The following IQGAP2 variants were observed in gnomAD, a reference collection of about 807,000 sequenced individuals.
IQGAP2 encodes IQ motif containing GTPase activating protein 2, also known as ras GTPase-activating-like protein IQGAP2.
In IQGAP2, 173 loss-of-function variants were observed where a neutral mutation model predicts 201.3. That is an observed-to-expected ratio of 0.86 (90% CI 0.76 to 0.98). The LOEUF (loss-of-function observed/expected upper bound fraction) is 0.98. Among genes scored for constraint, IQGAP2 ranks in the 50% least tolerant of loss-of-function variants. The pLI, the probability that IQGAP2 is intolerant of heterozygous loss-of-function variation, is 0.00. For missense variants in IQGAP2, 1,687 were observed against 1,864.8 expected (o/e 0.90, Z 1.76); for synonymous variants, 675 against 673.9 (o/e 1.00, Z -0.03).
chr5:76,467,281 T>C (rs1392222006), intron 2 of IQGAP2, among the ~76,000 whole-genome samples: 1 of 152,146 alleles, frequency 6.6e-6, no homozygotes, highest in Non-Finnish European at 1.5e-5. Flanking sequence ...AGTAAAGCAC[T>C]TTTAAATTCT....
intron 1 of IQGAP2, among the ~76,000 whole-genome samples, chr5:76,407,048 G>A (rs533126327): frequency 6.6e-6 from 1 of 152,106 alleles, no homozygotes; most frequent in Admixed American, 6.5e-5. Flanking sequence ...GTGCAATCAT[G>A]GCTCACTGCA....
At chr5:76,465,970 C>A (rs1295261763) in intron 2 of IQGAP2, among the ~76,000 whole-genome samples, 1 of 151,936 alleles carries the variant, frequency 6.6e-6, no homozygotes, top group African/African-American at 2.4e-5. Flanking sequence ...TTTATAGATT[C>A]AATACAGTTT....
chr5:76,431,479 CT>C (rs1428725003), intron 1 of IQGAP2, among the ~76,000 whole-genome samples: 1 of 151,960 alleles, frequency 6.6e-6, no homozygotes, highest in African/African-American at 2.4e-5. Flanking sequence ...GGGCACTAGT[CT>C]GTTTGGCATG....
chr5:76,603,402 A>T (rs1202026700), intron 11 of IQGAP2, among the ~76,000 whole-genome samples: 3 of 152,202 alleles, frequency 2.0e-5, no homozygotes, highest in Admixed American at 2.0e-4. Flanking sequence ...GACCCTCCCT[A>T]ACTAAGCCTT....
At position 76,673,539 on chromosome 5, in the gene IQGAP2, G is replaced by C. The variant is rs1185795567; in HGVS notation, c.3159G>C (p.Arg1053Ser). The C allele has an allele frequency of 1.2e-6, 2 of 1,613,950 alleles. No homozygotes were observed. The highest frequency in any genetic ancestry group is 3.3e-5 in the Admixed American group (2 of 60,002). Residue 1053 changes from arginine to serine, a missense_variant, in exon 25 of 36, where the codon AGG (arginine) becomes AGC (serine). Coordinates refer to ENST00000274364, the MANE Select transcript of IQGAP2 (RefSeq NM_006633.5). ...AGGCTTCCATTGAGAACCTGAGAAG[G>C]GTCACCGACAAAGTCCTGAATTCTA... ...KLEASIENLRRVTDKVLNSII... is the reference protein window; with the variant it reads ...KLEASIENLRSVTDKVLNSII...
At chr5:76,451,498 C>A (rs1028591162) in intron 1 of IQGAP2, among the ~76,000 whole-genome samples, 2 of 152,184 alleles carry the variant, frequency 1.3e-5, no homozygotes, top group Non-Finnish European at 2.9e-5. Flanking sequence ...GTTGGGCCTT[C>A]TAATAAGATA....
chr5:76,688,343 T>C (rs1309874805), intron 30 of IQGAP2, among the ~76,000 whole-genome samples: 1 of 152,212 alleles, frequency 6.6e-6, no homozygotes, highest in East Asian at 1.9e-4. Flanking sequence ...TTTCCAGTCA[T>C]GAGTAACTCA....
At chr5:76,598,823 T>G (rs546231270) in intron 10 of IQGAP2, among the ~76,000 whole-genome samples, 75 of 152,302 alleles carry the variant, frequency 4.9e-4, no homozygotes, top group African/African-American at 1.6e-3. Flanking sequence ...ATTAATAACA[T>G]TTATGGTGCT....
chr5:76,635,660 T>C (rs1751066772), intron 15 of IQGAP2, among the ~76,000 whole-genome samples: 1 of 152,054 alleles, frequency 6.6e-6, no homozygotes, highest in Admixed American at 6.6e-5. Flanking sequence ...CTGGACAACA[T>C]GGCAAAACCC....
intron 2 of IQGAP2, among the ~76,000 whole-genome samples, chr5:76,494,712 A>G (rs960523385): frequency 6.6e-6 from 1 of 152,016 alleles, no homozygotes; most frequent in African/African-American, 2.4e-5. Flanking sequence ...CTTGTCACCT[A>G]GCCTGTTTTT....
intron 2 of IQGAP2, among the ~76,000 whole-genome samples, chr5:76,536,363 G>T (rs997233526): frequency 5.3e-5 from 8 of 150,680 alleles, no homozygotes; most frequent in African/African-American, 9.8e-5. Flanking sequence ...GAGCTACCAC[G>T]CCTGGCTTCC....
chr5:76,443,668 T>G (rs951645250), intron 1 of IQGAP2, among the ~76,000 whole-genome samples: 1 of 151,994 alleles, frequency 6.6e-6, no homozygotes, highest in African/African-American at 2.4e-5. Context: ...GATCAGTACT[T>G]ACATGTCAGG....
chr5:76,514,303 C>T (rs1056488209), intron 2 of IQGAP2, among the ~76,000 whole-genome samples: 1 of 152,066 alleles, frequency 6.6e-6, no homozygotes, highest in African/African-American at 2.4e-5. Flanking sequence ...GGATTACAGG[C>T]AGGATTCCCT....
Position 76,575,761 on chromosome 5 carries a change from C to T in IQGAP2, c.450C>T (p.His150=), listed in dbSNP as rs780934953. 1.0e-5 allele frequency: 16 copies of T among 1,566,680 alleles called. No individual in the cohort carries two copies. Among genetic ancestry groups the T allele is most frequent in the East Asian group, 4.6e-5 (2 of 43,254 alleles). ...KNIPRMIYCI[H]ALSLYLFKLG... is the part of the protein sequence containing the mutation. Reference sequence around the variant, plus strand: ...TACCAAGAATGATATATTGCATTCACGCACTGAGGTAGGGGGAAAATGCAG... The same window carrying T: ...TACCAAGAATGATATATTGCATTCATGCACTGAGGTAGGGGGAAAATGCAG... Residue 150 remains histidine (H), a synonymous_variant, in exon 5 of 36, where the codon CAC becomes CAT. Coordinates refer to ENST00000274364, the MANE Select transcript of IQGAP2 (RefSeq NM_006633.5).
chr5:76,461,423 CA>C (rs1292181868), intron 1 of IQGAP2, 146 bp from the exon 2 acceptor site: 6 of 504,442 alleles, frequency 1.2e-5, no homozygotes, highest in Non-Finnish European at 1.7e-5. Flanking sequence ...AATCCAAAGG[CA>C]AATTTCTCTC....
At chr5:76,564,078 G>A (rs182416169) in intron 3 of IQGAP2, among the ~76,000 whole-genome samples, 14 of 152,222 alleles carry the variant, frequency 9.2e-5, no homozygotes, top group Admixed American at 8.5e-4. Flanking sequence ...AAGTAAATTT[G>A]TGTTCATGAA....
intron 1 of IQGAP2, among the ~76,000 whole-genome samples, chr5:76,461,228 T>C (rs1178666691): frequency 6.6e-6 from 1 of 151,384 alleles, no homozygotes; most frequent in Non-Finnish European, 1.5e-5. Context: ...ACTAGCCAAG[T>C]GTGGTGGCGT....
intron 8 of IQGAP2, among the ~76,000 whole-genome samples, chr5:76,591,520 T>C (rs926324409): frequency 6.6e-6 from 1 of 152,174 alleles, no homozygotes; most frequent in Middle Eastern, 3.2e-3. Flanking sequence ...TTCAGCTCCA[T>C]GACTGAAAGT....
At chr5:76,648,373 C>A (rs1435646715) in intron 17 of IQGAP2, among the ~76,000 whole-genome samples, 1 of 152,126 alleles carries the variant, frequency 6.6e-6, no homozygotes, top group Non-Finnish European at 1.5e-5. Flanking sequence ...TTTTTCCTTG[C>A]CAAAACAATG....
Sources: allele counts gnomAD v4.1 joint callset (sites outside exome capture counted in the v4.1 genomes callset), GRCh38; gene constraint gnomAD v4.1.1; transcripts MANE v1.5; gene names NCBI Gene and HGNC (gene_info 2026-07-23, HGNC 2026-07-21).